The following LPCAT1 variants were observed in gnomAD, a reference collection of about 807,000 sequenced individuals.
The protein encoded by LPCAT1 is 1-acylglycerol-3-phosphate O-acyltransferase.
LPCAT1 carries 23 observed loss-of-function variants against 60.9 expected under a neutral mutation model. The ratio of observed to expected loss-of-function variants is 0.38; its 90% CI spans 0.27 to 0.53. LPCAT1 has a LOEUF of 0.53. LPCAT1 is among the 20% of genes least tolerant of loss of function. The pLI, the probability that LPCAT1 is intolerant of heterozygous loss-of-function variation, is 0.82. For synonymous variants in LPCAT1, 340 were observed against 301.1 expected (o/e 1.13, Z -1.34); for missense variants, 622 against 723.6 (o/e 0.86, Z 1.61).
intron 1 of LPCAT1, among the ~76,000 whole-genome samples, chr5:1,503,846 G>C (rs560980298): frequency 6.6e-6 from 1 of 151,970 alleles, no homozygotes; most frequent in South Asian, 2.1e-4. Context: ...CTGCCTTTAA[G>C]ATAACAGTGA....
chr5:1,491,038 G>T (rs1283748406), intron 3 of LPCAT1, among the ~76,000 whole-genome samples: 1 of 151,334 alleles, frequency 6.6e-6, no homozygotes, highest in Non-Finnish European at 1.5e-5. Flanking sequence ...TTTCTTGGAG[G>T]TTCTCTCCTC....
At chr5:1,512,457 G>C (rs1039506330) in intron 1 of LPCAT1, among the ~76,000 whole-genome samples, 1 of 152,332 alleles carries the variant, frequency 6.6e-6, no homozygotes. Flanking sequence ...AAGGGCCATA[G>C]ACCCCCAACA....
At chr5:1,492,205 A>G (rs1203404410) in intron 3 of LPCAT1, among the ~76,000 whole-genome samples, 2 of 125,888 alleles carry the variant, frequency 1.6e-5, no homozygotes, top group African/African-American at 6.4e-5. Context: ...GGGATGGGGG[A>G]AGATTATCTC....
At chr5:1,486,283 G>A (rs983116131) in intron 5 of LPCAT1, among the ~76,000 whole-genome samples, 17 of 152,268 alleles carry the variant, frequency 1.1e-4, no homozygotes, top group African/African-American at 3.9e-4. Flanking sequence ...CCTCAGAGGC[G>A]GCACCCCTGG....
chr5:1,518,948 C>G (rs1736589978), intron 1 of LPCAT1, among the ~76,000 whole-genome samples: 1 of 152,252 alleles, frequency 6.6e-6, no homozygotes, highest in Admixed American at 6.5e-5. Flanking sequence ...GAGAAAGGAA[C>G]CGTGCCTGCA....
chr5:1,471,022 C>A, intron 11 of LPCAT1, 98 bp from the exon 12 acceptor site: 1 of 887,264 alleles, frequency 1.1e-6, no homozygotes, highest in South Asian at 1.6e-5. Flanking sequence ...AAAGGCCAGT[C>A]CCACTCTCAC....
Position 1,480,259 on chromosome 5 carries a change from G to C in LPCAT1, c.762-584C>G. 6.0e-6 allele frequency: 5 copies of C among 830,502 alleles called. No homozygotes were observed. Among genetic ancestry groups the C allele is most frequent in the Non-Finnish European group, 7.2e-6 (5 of 692,202 alleles). The allele number at this position is 830,502 out of a possible 1,614,324, so 51.4% of individuals were successfully genotyped here. On this transcript the variant is annotated intron_variant, in intron 7 of 13. Transcript: ENST00000283415. This position sits in a 1 kb window ranked among gnomAD's most constrained non-coding sequence, Gnocchi z 6.4. ...GAGCCCCCTCCCAGCTCTGCTCCCA[G>C]CTGGGAGCCTCCACACGCCAGCCTG...
intron 12 of LPCAT1, among the ~76,000 whole-genome samples, chr5:1,468,037 G>A (rs1424481517): frequency 1.3e-5 from 2 of 152,256 alleles, no homozygotes; most frequent in African/African-American, 2.4e-5. Flanking sequence ...CTTCAGGGAG[G>A]GGCTGCGCCT....
chr5:1,463,458 C>A lies in LPCAT1; in HGVS notation c.*193G>T. On this transcript the variant is annotated 3_prime_UTR_variant, in exon 14 of 14. Coordinates refer to ENST00000283415, the MANE Select transcript of LPCAT1 (RefSeq NM_024830.5). ...GCGTGCGCGCCCTCCGATTCTCGCACAGTAAGCGTCGGTTCTGCAACACAC... is the reference window on the plus strand; with the variant it reads ...GCGTGCGCGCCCTCCGATTCTCGCAAAGTAAGCGTCGGTTCTGCAACACAC... 1 of 639,784 alleles carries A rather than the reference C, an allele frequency of 1.6e-6. No homozygotes were observed. The highest frequency in any genetic ancestry group is 2.6e-6 in the Non-Finnish European group (1 of 383,186). 39.6% of individuals were successfully genotyped at this position (639,784 alleles called of 1,614,324 possible).
chr5:1,509,766 T>C (rs1049815601), intron 1 of LPCAT1, among the ~76,000 whole-genome samples: 8 of 152,186 alleles, frequency 5.3e-5, no homozygotes. Flanking sequence ...ACGCCCACAA[T>C]GAATTCTCAT....
chr5:1,505,205 C>G (rs1290004068), intron 1 of LPCAT1, among the ~76,000 whole-genome samples: 1 of 148,002 alleles, frequency 6.8e-6, no homozygotes, highest in Non-Finnish European at 1.5e-5. Context: ...CCACGGTGTT[C>G]CTGAAACAGC....
rs538163655 is a variant in LPCAT1 at position 1,510,147 on chromosome 5, G to A, written c.136-8544C>T. On this transcript the variant is annotated intron_variant, in intron 1 of 13. Transcript: ENST00000283415. ...CTCCCTGACCTTAGATTTCAGTGAG[G>A]TCACACTCTGGAGCTTTTCACCCCC... 1.2e-4 allele frequency among the ~76,000 whole-genome samples: 19 copies of A among 152,044 alleles called. 1 individual carries two copies. The highest frequency in any genetic ancestry group is 2.4e-4 in the Non-Finnish European group (16 of 68,006).
At chr5:1,520,394 T>C (rs1219779552) in intron 1 of LPCAT1, among the ~76,000 whole-genome samples, 3 of 152,320 alleles carry the variant, frequency 2.0e-5, no homozygotes, top group Admixed American at 6.5e-5. Flanking sequence ...ACCCTCATCA[T>C]AATCCTCTCT....
chr5:1,508,442 G>A (rs2126605707), intron 1 of LPCAT1, among the ~76,000 whole-genome samples: 1 of 152,264 alleles, frequency 6.6e-6, no homozygotes, highest in South Asian at 2.1e-4. Context: ...AACCTGCCTG[G>A]TGTCCTTATA....
chr5:1,463,797 C>G lies in LPCAT1; in HGVS notation c.1459G>C (p.Ala487Pro). Residue 487 changes from alanine to proline, a missense_variant, in exon 14 of 14, where the codon GCA (alanine) becomes CCA (proline). Physicochemically the swap from Ala to Pro is conservative, Grantham distance 27 (BLOSUM62 -1). Coordinates refer to ENST00000283415, the MANE Select transcript of LPCAT1 (RefSeq NM_024830.5). The stretch of plus-strand genomic sequence containing the variant: ...TGATCCGGGTACAGGTATTCCTCTG[C>G]GAAGGCAGGGTACATTTCTGCAAAC... ...HRFAEMYPAF[A>P]EEYLYPDQTH... 1 of 1,614,170 alleles carries G rather than the reference C, an allele frequency of 6.2e-7. No homozygotes were observed. Among genetic ancestry groups the G allele is most frequent in the Middle Eastern group, 1.6e-4 (1 of 6,062 alleles).
chr5:1,508,145 A>G lies in LPCAT1; in HGVS notation c.136-6542T>C, dbSNP rs143702150. Among the ~76,000 whole-genome samples the G allele has an allele frequency of 3.1e-3, 475 of 152,246 alleles. 3 individuals carry two copies. The highest frequency in any genetic ancestry group is 0.031 in the South Asian group (150 of 4,824). On this transcript the variant is annotated intron_variant, in intron 1 of 13. Coordinates refer to ENST00000283415, the MANE Select transcript of LPCAT1 (RefSeq NM_024830.5). ...AGTCCGTGTCTGCTGTTCGGGAGGC[A>G]CCTCGTCTGTGGTCCTTTGTGACAG... is the stretch of plus-strand genomic sequence containing the variant.
chr5:1,491,490 G>C (rs567156951), intron 3 of LPCAT1, among the ~76,000 whole-genome samples: 9 of 146,270 alleles, frequency 6.2e-5, no homozygotes, highest in African/African-American at 2.2e-4. Flanking sequence ...GGGTCCGGGG[G>C]TAAATGTGGG....
At chr5:1,489,075 G>T (rs1247101535) in intron 4 of LPCAT1, among the ~76,000 whole-genome samples, 2 of 152,234 alleles carry the variant, frequency 1.3e-5, no homozygotes, top group Admixed American at 6.5e-5. Context: ...CCTCAGGGGG[G>T]CCGGCGTGGG....
intron 7 of LPCAT1, among the ~76,000 whole-genome samples, 191 bp from the exon 8 acceptor site, chr5:1,479,866 T>C (rs1735064312): frequency 6.7e-6 from 1 of 149,266 alleles, no homozygotes; most frequent in African/African-American, 2.5e-5. Flanking sequence ...TGGGTGGAAA[T>C]GCTGCTTTTC....
Sources: allele counts gnomAD v4.1 joint callset (sites outside exome capture counted in the v4.1 genomes callset), GRCh38; gene constraint gnomAD v4.1.1; non-coding constraint Gnocchi (gnomAD v3.1); transcripts MANE v1.5; gene names NCBI Gene and HGNC (gene_info 2026-07-23, HGNC 2026-07-21).